HGD: variants seen among roughly 807,000 people sequenced by gnomAD.
HGD encodes homogentisate oxidase.
Under a neutral mutation model 60.8 loss-of-function variants are expected in HGD, and 61 were observed. The ratio of observed to expected loss-of-function variants is 1.00; its 90% CI spans 0.82 to 1.24. The LOEUF (loss-of-function observed/expected upper bound fraction) is 1.24. HGD is among the 50% of genes most tolerant of loss of function. The probability of loss-of-function intolerance (pLI) is 0.00; values close to 1 mark genes in which losing one functional copy is unlikely to be tolerated. For missense variants in HGD, 542 were observed against 547.1 expected (o/e 0.99, Z 0.09); for synonymous variants, 212 against 187.7 (o/e 1.13, Z -1.06).
rs1009205592 is a variant in HGD, at chr3:120,665,746, G to A, written c.282+4681C>T. 3.6e-4 allele frequency among the ~76,000 whole-genome samples: 55 copies of A among 152,198 alleles called. 1 individual carries two copies. The highest frequency in any genetic ancestry group is 2.0e-4 in the Admixed American group (3 of 15,276). On this transcript the variant is annotated intron_variant, in intron 4 of 13. Transcript: ENST00000283871. ...CAAGATGCTGCCTTTGGGACTAAAT[G>A]TTACACTGGAGGAATCATCAGGCAG...
Position 120,646,946 on chromosome 3 carries a change from G to A in HGD, c.549+27C>T, listed in dbSNP as rs776700543. Reference sequence around the variant, plus strand: ...ACTGCTCCCAAATTAGTGAGAGGCAGGGAAGAGAAGGGGACACATCACCAA... The same window carrying A: ...ACTGCTCCCAAATTAGTGAGAGGCAAGGAAGAGAAGGGGACACATCACCAA... On this transcript the variant is annotated intron_variant, in intron 8 of 13. Transcript: ENST00000283871. The A allele has an allele frequency of 4.5e-6, 7 of 1,563,832 alleles. No homozygotes were observed. The Admixed American group carries it at 6.7e-5, about 15-fold the overall frequency.
chr3:120,670,857 G>T (rs987246089), intron 3 of HGD, among the ~76,000 whole-genome samples: 1 of 152,198 alleles, frequency 6.6e-6, no homozygotes, highest in African/African-American at 2.4e-5. Context: ...GGATATCTGT[G>T]TAGGAAAATC....
Position 120,646,921 on chromosome 3 carries a change from A to C in HGD, c.549+52T>G, listed in dbSNP as rs1941181851. 7.2e-6 allele frequency: 10 copies of C among 1,382,344 alleles called. No individual in the cohort carries two copies. In the South Asian group the frequency reaches 9.2e-5, roughly 13 times the overall value. 85.6% of individuals were successfully genotyped at this position (1,382,344 alleles called of 1,614,324 possible). ...GAAATAGCAGCAGCTGAAACATCTG[A>C]CTGCTCCCAAATTAGTGAGAGGCAG... is the stretch of plus-strand genomic sequence containing the variant. On this transcript the variant is annotated intron_variant, in intron 8 of 13. Coordinates refer to ENST00000283871, the MANE Select transcript of HGD (RefSeq NM_000187.4).
chr3:120,657,868 A>G (rs1175700490), intron 4 of HGD, among the ~76,000 whole-genome samples: 2 of 152,056 alleles, frequency 1.3e-5, no homozygotes, highest in East Asian at 3.9e-4. Context: ...AGAGAGAGAG[A>G]GGTGGGAGGT....
At chr3:120,680,672 C>T (rs1708214914) in intron 1 of HGD, among the ~76,000 whole-genome samples, 1 of 152,188 alleles carries the variant, frequency 6.6e-6, no homozygotes, top group Admixed American at 6.5e-5. Flanking sequence ...ATTCCCCTAG[C>T]CCTGCCCACT....
At chr3:120,666,624 A>G (rs528299935) in intron 4 of HGD, among the ~76,000 whole-genome samples, 12 of 152,226 alleles carry the variant, frequency 7.9e-5, no homozygotes, top group African/African-American at 2.6e-4. Flanking sequence ...TTGGGAATTC[A>G]GGCATGCACC....
At chr3:120,675,182 G>C (rs1452461780) in intron 2 of HGD, among the ~76,000 whole-genome samples, 193 bp from the exon 3 acceptor site, 2 of 152,008 alleles carry the variant, frequency 1.3e-5, no homozygotes, top group African/African-American at 4.8e-5. Context: ...ATTTATTGTA[G>C]AAAATGTATA....
rs760180599 is a variant in HGD at position 120,628,371 on chromosome 3, G to A, written c.*9C>T. ...ATCTACTCTTAATTATGGTAGCAATGTTCCAGTCTCAATTAGGTTCTGCTG... is the reference window on the plus strand; with the variant it reads ...ATCTACTCTTAATTATGGTAGCAATATTCCAGTCTCAATTAGGTTCTGCTG... On this transcript the variant is annotated 3_prime_UTR_variant, in exon 14 of 14. Coordinates refer to ENST00000283871, the MANE Select transcript of HGD (RefSeq NM_000187.4). 14 of 1,613,198 alleles carry A rather than the reference G, an allele frequency of 8.7e-6. No individual in the cohort carries two copies. Among genetic ancestry groups the A allele is most frequent in the Non-Finnish European group, 1.1e-5 (13 of 1,179,420 alleles).
intron 4 of HGD, among the ~76,000 whole-genome samples, chr3:120,669,498 ATC>A (rs956326793): frequency 6.7e-6 from 1 of 149,880 alleles, no homozygotes; most frequent in Non-Finnish European, 1.5e-5. Flanking sequence ...CAGACTGTTA[ATC>A]AAGTTTGTCC....
chr3:120,638,674 G>A, intron 11 of HGD, 93 bp from the exon 12 acceptor site: 1 of 1,424,020 alleles, frequency 7.0e-7, no homozygotes, highest in Non-Finnish European at 9.8e-7. Context: ...GTGTTTGCAA[G>A]TGACATTCTA....
intron 11 of HGD, among the ~76,000 whole-genome samples, chr3:120,640,430 T>C (rs1006389705): frequency 2.0e-5 from 3 of 152,058 alleles, no homozygotes; most frequent in Non-Finnish European, 4.4e-5. Context: ...GGACAGATGG[T>C]GAAGAGCATC....
intron 4 of HGD, among the ~76,000 whole-genome samples, chr3:120,659,921 T>G (rs1380574574): frequency 7.3e-6 from 1 of 137,240 alleles, no homozygotes; most frequent in Middle Eastern, 4.8e-3. Context: ...TCTCATATGA[T>G]GGGAGCAGGA....
At chr3:120,667,477 A>C (rs1292939299) in intron 4 of HGD, among the ~76,000 whole-genome samples, 1 of 152,138 alleles carries the variant, frequency 6.6e-6, no homozygotes, top group Non-Finnish European at 1.5e-5. Context: ...TAGTCAAGGA[A>C]ATAATAATAT....
At position 120,644,639 on chromosome 3, in the gene HGD, C is replaced by T. The variant is rs182337771; in HGVS notation, c.650-196G>A. On this transcript the variant is annotated intron_variant, in intron 9 of 13. Coordinates refer to ENST00000283871, the MANE Select transcript of HGD (RefSeq NM_000187.4). Reference sequence around the variant, plus strand: ...AGGAATCTGGTCAGAAAAAAATTCACAAAAACCAGCATTACTTTCTAAGGT... The same window carrying T: ...AGGAATCTGGTCAGAAAAAAATTCATAAAAACCAGCATTACTTTCTAAGGT... 5.9e-6 allele frequency: 9 copies of T among 1,523,672 alleles called. 1 individual carries two copies. The African/African-American group carries it at 1.2e-4, about 21-fold the overall frequency. The allele number at this position is 1,523,672 out of a possible 1,614,324, so 94.4% of individuals were successfully genotyped here.
In HGD at chr3:120,633,149, T is replaced by C. The variant is rs754940101; in HGVS notation, c.1186A>G (p.Met396Val). 14 of 1,613,950 alleles carry C rather than the reference T, an allele frequency of 8.7e-6. No individual in the cohort carries two copies. The Admixed American group carries it at 2.2e-4, about 25-fold the overall frequency. Reference sequence around the variant, plus strand: ...AATGTGGCAGTTAACATACTTACCATGGTGCCATCGGCAATCCTCTCAGGT... The same window carrying C: ...AATGTGGCAGTTAACATACTTACCACGGTGCCATCGGCAATCCTCTCAGGT... The part of the protein sequence containing the change: ...LAPERIADGT[M>V]AFMFESSLSL... The change falls in exon 13 of 14, where the codon ATG becomes GTG. Residue 396 changes from methionine to valine, a missense_variant and splice_region_variant. This residue lies in a region of HGD where 537 missense variants were observed against 529.1 expected (regional missense o/e 1.01). Transcript: ENST00000283871.
At chr3:120,666,760 C>A (rs1467236310) in intron 4 of HGD, among the ~76,000 whole-genome samples, 3 of 152,054 alleles carry the variant, frequency 2.0e-5, no homozygotes, top group Non-Finnish European at 4.4e-5. Context: ...CATCTGCCTG[C>A]CTTGGCCTCC....
At chr3:120,649,462 G>A (rs1941269813) in intron 6 of HGD, among the ~76,000 whole-genome samples, 1 of 152,066 alleles carries the variant, frequency 6.6e-6, no homozygotes, top group Non-Finnish European at 1.5e-5. Context: ...TTTTTCTAAA[G>A]ACAACAAGAA....
chr3:120,661,873 T>C (rs1707776744), intron 4 of HGD, among the ~76,000 whole-genome samples: 1 of 152,188 alleles, frequency 6.6e-6, no homozygotes, highest in Non-Finnish European at 1.5e-5. Flanking sequence ...ATTCAACAAA[T>C]ACTTGCGATT....
At chr3:120,649,022 G>T (rs183262635) in intron 6 of HGD, among the ~76,000 whole-genome samples, 1 of 152,080 alleles carries the variant, frequency 6.6e-6, no homozygotes, top group East Asian at 1.9e-4. Flanking sequence ...GTCCTCCTGA[G>T]CCCTGTTTGG....
Sources: allele counts gnomAD v4.1 joint callset (sites outside exome capture counted in the v4.1 genomes callset), GRCh38; gene constraint gnomAD v4.1.1; regional missense constraint gnomAD v4.1.1; transcripts MANE v1.5; gene names NCBI Gene and HGNC (gene_info 2026-07-23, HGNC 2026-07-21).